DNAH14: variants seen among roughly 807,000 people sequenced by gnomAD.
The protein encoded by DNAH14 is axonemal beta dynein heavy chain 14.
Under a neutral mutation model 520.9 loss-of-function variants are expected in DNAH14, and 478 were observed. The observed-to-expected ratio is 0.92, with a 90% CI of 0.85 to 0.99. DNAH14 has a LOEUF of 0.99. Ranked by LOEUF, DNAH14 falls within the 50% of genes least tolerant of loss-of-function variation. DNAH14 has a pLI of 0.00. For missense variants in DNAH14, 4,831 were observed against 5,234.5 expected, an observed-to-expected ratio of 0.92 and a Z score of 2.38; for synonymous variants, 1,581 against 1,757.2, an observed-to-expected ratio of 0.90 and a Z score of 2.51.
intron 10 of DNAH14, among the ~76,000 whole-genome samples, chr1:225,019,491 A>G (rs1031658882): frequency 2.0e-5 from 3 of 152,152 alleles, no homozygotes; most frequent in Admixed American, 6.5e-5. Context: ...CAACACCCCA[A>G]TGACAGCATT....
chr1:225,016,567 A>G (rs1435696713), intron 10 of DNAH14, among the ~76,000 whole-genome samples: 1 of 152,168 alleles, frequency 6.6e-6, no homozygotes, highest in Non-Finnish European at 1.5e-5. Context: ...TTAGCTTATT[A>G]GACCTGGATG....
In DNAH14 at chr1:225,023,675, A is replaced by G. The variant is rs2065886108; in HGVS notation, c.1168A>G (p.Thr390Ala). 6.5e-7 allele frequency: 1 copy of G among 1,550,376 alleles called. No homozygotes were observed. Among genetic ancestry groups the G allele is most frequent in the African/African-American group, 1.4e-5 (1 of 73,012 alleles). The change falls in exon 11 of 86, where the codon ACA becomes GCA. Residue 390 changes from threonine to alanine, a missense_variant. Coordinates refer to ENST00000682510, the MANE Select transcript of DNAH14 (RefSeq NM_001367479.1). ...FESKLSEDDTTHFKLPKYRRL... is the reference protein window; with the variant it reads ...FESKLSEDDTAHFKLPKYRRL... ...GTCAAAACTCTCTGAAGATGACACA[A>G]CACATTTCAAGCTGCCTAAATATAG...
chr1:225,112,723 C>A (rs1466477463), intron 23 of DNAH14, among the ~76,000 whole-genome samples: 3 of 151,890 alleles, frequency 2.0e-5, no homozygotes, highest in African/African-American at 7.3e-5. Flanking sequence ...TGTCTTCAAG[C>A]TCACTAATTC....
At chr1:225,209,427 CAG>C (rs1432180618) in intron 41 of DNAH14, among the ~76,000 whole-genome samples, 3 of 151,748 alleles carry the variant, frequency 2.0e-5, no homozygotes, top group South Asian at 4.2e-4. Context: ...ATGGTGGGAA[CAG>C]GGGAGATTTA....
intron 54 of DNAH14, among the ~76,000 whole-genome samples, chr1:225,287,619 C>T (rs776065200): frequency 6.6e-6 from 1 of 152,074 alleles, no homozygotes; most frequent in African/African-American, 2.4e-5. Flanking sequence ...TATTTATTTG[C>T]TGTGTCAGCT....
At chr1:225,373,490 G>C (rs951450203) in intron 77 of DNAH14, among the ~76,000 whole-genome samples, 1 of 148,354 alleles carries the variant, frequency 6.7e-6, no homozygotes, top group Non-Finnish European at 1.5e-5. Context: ...GGGAGGGAGG[G>C]AGGGGGATAG....
intron 38 of DNAH14, among the ~76,000 whole-genome samples, chr1:225,200,376 G>A (rs964621406): frequency 1.3e-5 from 2 of 151,904 alleles, no homozygotes; most frequent in African/African-American, 2.4e-5. Context: ...CATGCTATTT[G>A]TTGCCTGTAT....
chr1:225,119,284 G>A lies in DNAH14; in HGVS notation c.4156G>A (p.Val1386Met). The stretch of plus-strand genomic sequence containing the variant: ...AAATGTAGAAAAAAGCATGTTCGAT[G>A]TGCTAAAAAAGTAAGTACAATTTTC... ...LVNVEKSMFDVLKKFLSQGIE... is the reference protein window; with the variant it reads ...LVNVEKSMFDMLKKFLSQGIE... Residue 1386 changes from valine to methionine, a missense_variant, in exon 26 of 86, where the codon GTG becomes ATG. Physicochemically the swap from Val to Met is conservative, Grantham distance 21. Coordinates refer to ENST00000682510, the MANE Select transcript of DNAH14 (RefSeq NM_001367479.1). The A allele has an allele frequency of 6.6e-7, 1 of 1,519,330 alleles. No individual in the cohort carries two copies. Among genetic ancestry groups the A allele is most frequent in the Admixed American group, 2.1e-5 (1 of 48,528 alleles). The allele number at this position is 1,519,330 out of a possible 1,614,324, so 94.1% of individuals were successfully genotyped here.
intron 15 of DNAH14, among the ~76,000 whole-genome samples, chr1:225,049,720 A>G (rs2068327203): frequency 6.6e-6 from 1 of 152,188 alleles, no homozygotes; most frequent in African/African-American, 2.4e-5. Context: ...GAATTTTTTA[A>G]TAAAGCGTAA....
chr1:225,364,955 T>TGA, intron 76 of DNAH14, 61 bp downstream of exon 76: 8 of 1,141,272 alleles, frequency 7.0e-6, no homozygotes, highest in African/African-American at 3.2e-5. Flanking sequence ...ATGCAAGTCA[T>TGA]CTTACATTCA....
At chr1:225,004,587 A>G (rs984390665) in intron 9 of DNAH14, among the ~76,000 whole-genome samples, 1 of 152,208 alleles carries the variant, frequency 6.6e-6, no homozygotes, top group Non-Finnish European at 1.5e-5. Context: ...TAGGATTTCA[A>G]CCTGCCCATA....
chr1:225,076,274 G>C (rs1217735846), intron 17 of DNAH14, among the ~76,000 whole-genome samples: 2 of 152,194 alleles, frequency 1.3e-5, no homozygotes, highest in Non-Finnish European at 2.9e-5. Context: ...GCCAGGGTGG[G>C]TCTGGAGGCT....
At chr1:225,043,250 T>G (rs1000876060) in intron 13 of DNAH14, 136 bp downstream of exon 13, 30 of 463,586 alleles carry the variant, frequency 6.5e-5, no homozygotes, top group Non-Finnish European at 9.6e-5. Flanking sequence ...GGCAACACAG[T>G]GAGACCTTGT....
rs1157642919 is a variant in DNAH14, at chr1:225,318,696, G to A, written c.9335+19G>A. The A allele has an allele frequency of 3.4e-5, 52 of 1,528,860 alleles. No individual in the cohort carries two copies. Among genetic ancestry groups the A allele is most frequent in the Non-Finnish European group, 4.3e-5 (49 of 1,137,348 alleles). The allele number at this position is 1,528,860 out of a possible 1,614,324, so 94.7% of individuals were successfully genotyped here. On this transcript the variant is annotated intron_variant, in intron 61 of 85. Coordinates refer to ENST00000682510, the MANE Select transcript of DNAH14 (RefSeq NM_001367479.1). ...AATTAAGGTAACTCTCCTAAGTTTC[G>A]TTTGAGTTGGAAAAGCTCAGAAAAA...
chr1:225,345,005 A>T (rs2095265189), intron 69 of DNAH14, among the ~76,000 whole-genome samples: 1 of 151,892 alleles, frequency 6.6e-6, no homozygotes, highest in Non-Finnish European at 1.5e-5. Flanking sequence ...GAGCCACCAC[A>T]CCTGGCCAGA....
rs771776540 is a variant in DNAH14 at position 225,080,648 on chromosome 1, C to T, written c.3036C>T (p.Ala1012=). The change falls in exon 19 of 86, where the codon GCC becomes GCT. Residue 1012 remains alanine (A), a synonymous_variant. Coordinates refer to ENST00000682510, the MANE Select transcript of DNAH14 (RefSeq NM_001367479.1). ...AAGCACAAGAGGAGTGGAAGCGAGCCTCTTGGGAATGGAGGAATAGTTCTC... is the reference window on the plus strand; with the variant it reads ...AAGCACAAGAGGAGTGGAAGCGAGCTTCTTGGGAATGGAGGAATAGTTCTC... ...LWEAQEEWKR[A]SWEWRNSSLQ... The T allele has an allele frequency of 4.1e-5, 63 of 1,551,874 alleles. No individual in the cohort carries two copies. In the African/African-American group the frequency reaches 7.9e-4, roughly 20 times the overall value.
chr1:224,967,470 C>A lies in DNAH14; in HGVS notation c.538C>A (p.Pro180Thr). Reference protein sequence around the residue: ...EDDGEFVYCLPRKSPKSLYNP... With the variant: ...EDDGEFVYCLTRKSPKSLYNP... ...TGATGGAGAATTTGTTTATTGCCTT[C>A]CTCGGAAAAGTCCTAAATCCCTTTA... Residue 180 changes from proline to threonine, a missense_variant, in exon 6 of 86, where the codon CCT becomes ACT. Coordinates refer to ENST00000682510, the MANE Select transcript of DNAH14 (RefSeq NM_001367479.1). 1 of 1,575,702 alleles carries A rather than the reference C, an allele frequency of 6.3e-7. No homozygotes were observed. Among genetic ancestry groups the A allele is most frequent in the East Asian group, 2.3e-5 (1 of 42,906 alleles).
At chr1:225,193,458 G>A (rs547651727) in intron 38 of DNAH14, among the ~76,000 whole-genome samples, 94 of 152,228 alleles carry the variant, frequency 6.2e-4, no homozygotes, top group Middle Eastern at 3.4e-3. Flanking sequence ...TGGAGGCTGA[G>A]GCAGTAGGGT....
chr1:225,026,452 A>G (rs1335032362), intron 11 of DNAH14, among the ~76,000 whole-genome samples: 1 of 152,094 alleles, frequency 6.6e-6, no homozygotes, highest in Non-Finnish European at 1.5e-5. Flanking sequence ...GATAGGGTCC[A>G]AATTTCTTCT....
Sources: gnomAD v4.1 joint callset for allele counts (sites outside exome capture counted in the v4.1 genomes callset) on GRCh38, gnomAD v4.1.1 for gene constraint, MANE v1.5 for transcripts, NCBI Gene and HGNC (gene_info 2026-07-23, HGNC 2026-07-21) for gene names.